DLGAP1: variants seen among roughly 807,000 people sequenced by gnomAD.
DLGAP1 encodes DLG associated protein 1.
Under a neutral mutation model 90.8 loss-of-function variants are expected in DLGAP1, and 11 were observed. The ratio of observed to expected loss-of-function variants is 0.12; its 90% CI spans 0.08 to 0.20. The LOEUF (loss-of-function observed/expected upper bound fraction) is 0.20. Among genes scored for constraint, DLGAP1 ranks in the 10% least tolerant of loss-of-function variants. The pLI is 1.00. For missense variants in DLGAP1, 1,050 were observed against 1,333.8 expected (o/e 0.79, Z 3.31); for synonymous variants, 558 against 540.7 (o/e 1.03, Z -0.44).
rs911062569 is a variant in DLGAP1 at position 4,370,131 on chromosome 18, T to C, written c.-267+84875A>G. Among the ~76,000 whole-genome samples the C allele has an allele frequency of 9.1e-4, 139 of 152,274 alleles. 1 individual carries two copies. Among genetic ancestry groups the C allele is most frequent in the African/African-American group, 3.2e-3 (135 of 41,558 alleles). Reference sequence around the variant, plus strand: ...TAGGTGAGGGGTGAATTTGAAAAACTACTTAGGCAGCAAAAAATTCAGGTC... The same window carrying C: ...TAGGTGAGGGGTGAATTTGAAAAACCACTTAGGCAGCAAAAAATTCAGGTC... On this transcript the variant is annotated intron_variant, in intron 1 of 12. Coordinates refer to ENST00000315677, the MANE Select transcript of DLGAP1 (RefSeq NM_004746.4).
chr18:3,840,773 T>C (rs2068669688), intron 4 of DLGAP1, among the ~76,000 whole-genome samples: 1 of 152,192 alleles, frequency 6.6e-6, no homozygotes, highest in African/African-American at 2.4e-5. Context: ...GATGAAGCAG[T>C]TGAGGCACAG....
intron 3 of DLGAP1, among the ~76,000 whole-genome samples, chr18:3,959,628 C>A (rs2073155338): frequency 6.7e-6 from 1 of 150,340 alleles, no homozygotes. Context: ...CATACCACTG[C>A]ACTCCAGCCT....
At chr18:3,892,922 A>T (rs1328349148) in intron 3 of DLGAP1, among the ~76,000 whole-genome samples, 7 of 148,340 alleles carry the variant, frequency 4.7e-5, no homozygotes, top group Non-Finnish European at 8.9e-5. Flanking sequence ...ATTTATATAT[A>T]TAATTTTTTA....
intron 1 of DLGAP1, among the ~76,000 whole-genome samples, chr18:4,314,239 A>G (rs2080472133): frequency 6.6e-6 from 1 of 152,200 alleles, no homozygotes; most frequent in South Asian, 2.1e-4. Flanking sequence ...CAGATTCTGA[A>G]GTCTAGGAAC....
intron 9 of DLGAP1, among the ~76,000 whole-genome samples, chr18:3,567,092 A>G (rs2054477418): frequency 6.6e-6 from 1 of 150,798 alleles, no homozygotes; most frequent in Admixed American, 6.7e-5. Flanking sequence ...TTCATCATTC[A>G]TTGAGCACAC....
At chr18:3,846,565 G>A (rs1472222436) in intron 4 of DLGAP1, among the ~76,000 whole-genome samples, 2 of 152,096 alleles carry the variant, frequency 1.3e-5, no homozygotes, top group African/African-American at 2.4e-5. Flanking sequence ...ACTAACTGAT[G>A]AAAGGATTAA....
intron 1 of DLGAP1, among the ~76,000 whole-genome samples, chr18:4,173,733 C>A (rs185734285): frequency 6.6e-6 from 1 of 152,306 alleles, no homozygotes; most frequent in East Asian, 1.9e-4. Context: ...GGGAAACCTT[C>A]CGTGATTTGG....
At position 3,896,337 on chromosome 18, in the gene DLGAP1, A is replaced by ACCACCGTCAATCAATGCATCT. The variant is rs539431090; in HGVS notation, c.-72-16218_-72-16198dup. 2.4e-3 allele frequency: 364 copies of ACCACCGTCAATCAATGCATCT among 152,320 alleles called. 1 individual carries two copies. The highest frequency in any genetic ancestry group is 8.4e-3 in the African/African-American group (348 of 41,580). The allele number at this position is 152,320 out of a possible 1,614,324, so 9.4% of individuals were successfully genotyped here. A position where few individuals can be genotyped will look rare whatever the true frequency, so the allele number is the denominator to read the frequency against. On this transcript the variant is annotated intron_variant, in intron 3 of 12. Transcript: ENST00000315677. ...GGCTGCCAGGAACATCACAGCAGAG[A>ACCACCGTCAATCAATGCATCT]CCACCGTCAATCAATGCATCTCCAC...
chr18:3,644,551 C>A (rs775607865), intron 7 of DLGAP1, among the ~76,000 whole-genome samples: 6 of 152,064 alleles, frequency 3.9e-5, no homozygotes, highest in Admixed American at 3.9e-4. Flanking sequence ...GCTGGGATTA[C>A]AGGCGCTCAC....
chr18:3,880,699 T>C (rs921651345), intron 3 of DLGAP1, among the ~76,000 whole-genome samples: 4 of 151,890 alleles, frequency 2.6e-5, no homozygotes, highest in East Asian at 3.9e-4. Flanking sequence ...TCCCAGCACT[T>C]TGGGGGGCCA....
intron 3 of DLGAP1, chr18:3,995,076 G>C (rs2074040870): frequency 6.6e-6 from 1 of 151,796 alleles, no homozygotes; most frequent in Non-Finnish European, 1.5e-5. Context: ...CTTAAAATAG[G>C]CAACAACAAT....
intron 7 of DLGAP1, among the ~76,000 whole-genome samples, chr18:3,681,986 C>G (rs975571539): frequency 6.6e-6 from 1 of 151,798 alleles, no homozygotes; most frequent in Non-Finnish European, 1.5e-5. Flanking sequence ...GGTATGGTGG[C>G]ACATGCCTGT....
chr18:4,212,669 T>C (rs73373062), intron 1 of DLGAP1, among the ~76,000 whole-genome samples: 17,535 of 150,910 alleles, frequency 0.12, 1,057 homozygotes, highest in Middle Eastern at 0.16. Flanking sequence ...TACCTCATCA[T>C]AGGTCCTTTA....
intron 1 of DLGAP1, among the ~76,000 whole-genome samples, chr18:4,290,064 C>A (rs2145499731): frequency 6.6e-6 from 1 of 152,280 alleles, no homozygotes; most frequent in Admixed American, 6.5e-5. Flanking sequence ...GCTACTACAT[C>A]TGGTAAATTT....
intron 5 of DLGAP1, among the ~76,000 whole-genome samples, chr18:3,784,725 T>C (rs922513951): frequency 2.6e-5 from 4 of 152,188 alleles, no homozygotes; most frequent in African/African-American, 9.7e-5. Context: ...AGCGAGAGCC[T>C]TGGGGAAAAG....
intron 7 of DLGAP1, among the ~76,000 whole-genome samples, chr18:3,609,621 C>G (rs1249479985): frequency 6.6e-6 from 1 of 152,130 alleles, no homozygotes; most frequent in Non-Finnish European, 1.5e-5. Flanking sequence ...GCACCTATCT[C>G]ATAGTGTGAT....
intron 5 of DLGAP1, among the ~76,000 whole-genome samples, chr18:3,796,159 T>TAG (rs74502546): frequency 6.6e-6 from 1 of 151,912 alleles, no homozygotes; most frequent in Non-Finnish European, 1.5e-5. Context: ...AATGCAGACA[T>TAG]AGAGAGAGAG....
chr18:3,676,561 A>C (rs1270891728), intron 7 of DLGAP1, among the ~76,000 whole-genome samples: 1 of 152,154 alleles, frequency 6.6e-6, no homozygotes, highest in African/African-American at 2.4e-5. Context: ...AGCTGGCTTC[A>C]AGGTCCTACA....
At chr18:3,966,795 C>T (rs527411227) in intron 3 of DLGAP1, among the ~76,000 whole-genome samples, 8 of 152,096 alleles carry the variant, frequency 5.3e-5, no homozygotes, top group South Asian at 2.1e-4. Flanking sequence ...GCTGGATTAA[C>T]GAGTATGAGG....
Sources: allele counts gnomAD v4.1 joint callset (sites outside exome capture counted in the v4.1 genomes callset), GRCh38; gene constraint gnomAD v4.1.1; transcripts MANE v1.5; gene names NCBI Gene and HGNC (gene_info 2026-07-23, HGNC 2026-07-21).